ARL15: variants seen among roughly 807,000 people sequenced by gnomAD.
The protein encoded by ARL15 is ADP-ribosylation factor-like protein 15.
Under a neutral mutation model 25.2 loss-of-function variants are expected in ARL15, and 19 were observed. The observed-to-expected ratio is 0.75, with a 90% CI of 0.53 to 1.10. The LOEUF (loss-of-function observed/expected upper bound fraction) is 1.10. Among genes scored for constraint, ARL15 ranks in the 50% least tolerant of loss-of-function variants. ARL15 has a pLI of 0.00. For synonymous variants in ARL15, 94 were observed against 86.8 expected (o/e 1.08, Z -0.46); for missense variants, 220 against 246.0 (o/e 0.89, Z 0.71).
At chr5:53,902,702 C>T (rs531764297) in intron 4 of ARL15, among the ~76,000 whole-genome samples, 26 of 152,298 alleles carry the variant, frequency 1.7e-4, no homozygotes, top group African/African-American at 6.3e-4. Flanking sequence ...TGGCAAGCCA[C>T]GCGTTACTCA....
chr5:54,083,546 T>C (rs1241927475), intron 4 of ARL15, among the ~76,000 whole-genome samples: 10 of 152,194 alleles, frequency 6.6e-5, no homozygotes, highest in African/African-American at 2.4e-4. Context: ...TCAAAAGTTT[T>C]TTCATGAGAA....
At chr5:54,204,134 C>T (rs7705101) in intron 1 of ARL15, among the ~76,000 whole-genome samples, 48,781 of 151,874 alleles carry the variant, frequency 0.32, 8,283 homozygotes, top group African/African-American at 0.39. Context: ...ATTTTCTTTT[C>T]GAGAGAGGAA....
intron 4 of ARL15, among the ~76,000 whole-genome samples, chr5:54,027,945 C>A (rs1477417852): frequency 2.0e-5 from 3 of 151,508 alleles, no homozygotes; most frequent in East Asian, 1.9e-4. Flanking sequence ...GAGACGGAGT[C>A]TTGTTTTGTC....
chr5:54,101,184 C>A lies in ARL15; in HGVS notation c.462+12018G>T, dbSNP rs1386363894. ...TAAAAATAATTGTGGTGAAAGTAAA[C>A]CCACAAATTACAGCCACAACTCTTC... On this transcript the variant is annotated intron_variant, in intron 4 of 4. Transcript: ENST00000504924. Among the ~76,000 whole-genome samples the A allele has an allele frequency of 2.0e-5, 3 of 151,930 alleles. No individual in the cohort carries two copies. The East Asian group carries it at 5.8e-4, about 29-fold the overall frequency.
At chr5:53,956,822 T>C (rs1220759730) in intron 4 of ARL15, among the ~76,000 whole-genome samples, 1 of 151,750 alleles carries the variant, frequency 6.6e-6, no homozygotes, top group East Asian at 1.9e-4. Flanking sequence ...AAAAGCTCAC[T>C]AGAGGGTTTT....
intron 3 of ARL15, among the ~76,000 whole-genome samples, chr5:54,144,949 T>C (rs979982563): frequency 2.6e-5 from 4 of 152,242 alleles, no homozygotes; most frequent in African/African-American, 9.6e-5. Context: ...CTTTGATTAA[T>C]AATCCTGACG....
chr5:54,042,440 TG>T, intron 4 of ARL15, among the ~76,000 whole-genome samples: 1 of 152,306 alleles, frequency 6.6e-6, no homozygotes, highest in South Asian at 2.1e-4. Context: ...AAATGATACA[TG>T]GAAGATCTTT....
At chr5:54,046,658 G>A (rs1750526130) in intron 4 of ARL15, among the ~76,000 whole-genome samples, 1 of 152,234 alleles carries the variant, frequency 6.6e-6, no homozygotes, top group Admixed American at 6.5e-5. Context: ...CTAGGGATTT[G>A]GAGAGGGAGA....
At chr5:54,084,725 T>C (rs273218) in intron 4 of ARL15, among the ~76,000 whole-genome samples, 121,257 of 152,022 alleles carry the variant, frequency 0.8, 48,657 homozygotes, top group African/African-American at 0.82. Context: ...AGTGCTAATG[T>C]TCAGTAATTC....
chr5:54,078,574 T>A (rs1751686294), intron 4 of ARL15, among the ~76,000 whole-genome samples: 1 of 152,228 alleles, frequency 6.6e-6, no homozygotes, highest in South Asian at 2.1e-4. Context: ...TATTCAACCC[T>A]GACTCTATCC....
intron 1 of ARL15, among the ~76,000 whole-genome samples, chr5:54,199,714 A>G (rs1755656697): frequency 6.6e-6 from 1 of 151,004 alleles, no homozygotes. Context: ...AACTAGTTCA[A>G]CCATTGTGGA....
chr5:54,092,070 ACAC>A (rs1554039834), intron 4 of ARL15, among the ~76,000 whole-genome samples: 13 of 151,450 alleles, frequency 8.6e-5, no homozygotes, highest in South Asian at 4.2e-4. Flanking sequence ...ACACACACAC[ACAC>A]CACCACCACC....
intron 1 of ARL15, among the ~76,000 whole-genome samples, chr5:54,268,802 C>A (rs1410454212): frequency 6.6e-6 from 1 of 152,124 alleles, no homozygotes; most frequent in Non-Finnish European, 1.5e-5. Context: ...TTCACAATAG[C>A]AAAGACTTGG....
intron 4 of ARL15, among the ~76,000 whole-genome samples, chr5:53,935,864 T>C (rs547331829): frequency 6.6e-6 from 1 of 152,298 alleles, no homozygotes; most frequent in Admixed American, 6.5e-5. Context: ...TTCTCCTGCC[T>C]CAGCCTGCTG....
chr5:54,113,212 G>C lies in ARL15; in HGVS notation c.452C>G (p.Ser151Ter), dbSNP rs1448699755. 6.2e-7 allele frequency: 1 copy of C among 1,613,586 alleles called. No individual in the cohort carries two copies. Among genetic ancestry groups the C allele is most frequent in the South Asian group, 1.1e-5 (1 of 91,034 alleles). ...ANHQDKPAAR[S>*]VQEIKKYFEL... ...GCTAATGAGACATACCTCTTGTACTGAGCGAGCTGCTGGCTTGTCTTGATG... is the reference window on the plus strand; with the variant it reads ...GCTAATGAGACATACCTCTTGTACTCAGCGAGCTGCTGGCTTGTCTTGATG... Residue 151 changes from serine (S) to a stop codon, truncating the protein, a stop_gained, in exon 4 of 5, where the codon TCA becomes TGA. Transcript: ENST00000504924. LOFTEE classifies it high-confidence loss of function.
intron 4 of ARL15, among the ~76,000 whole-genome samples, chr5:54,052,830 C>T (rs1012758854): frequency 6.6e-6 from 1 of 152,028 alleles, no homozygotes; most frequent in Non-Finnish European, 1.5e-5. Flanking sequence ...ACACAGGGCA[C>T]GCAGATCTTG....
chr5:54,129,206 C>T (rs549126735), intron 3 of ARL15, among the ~76,000 whole-genome samples: 1 of 152,198 alleles, frequency 6.6e-6, no homozygotes, highest in African/African-American at 2.4e-5. Context: ...TGATAGGATG[C>T]CTCAACTATC....
intron 1 of ARL15, among the ~76,000 whole-genome samples, chr5:54,285,934 T>C (rs1758168451): frequency 6.6e-6 from 1 of 152,108 alleles, no homozygotes; most frequent in South Asian, 2.1e-4. Flanking sequence ...TGAGTAAAGG[T>C]CGCGTCTGTC....
intron 1 of ARL15, among the ~76,000 whole-genome samples, chr5:54,209,712 T>C (rs917303331): frequency 1.3e-5 from 2 of 152,100 alleles, no homozygotes. Flanking sequence ...ATCATTCACC[T>C]CAGGTCATTT....
Sources: gnomAD v4.1 joint callset for allele counts (sites outside exome capture counted in the v4.1 genomes callset) on GRCh38, gnomAD v4.1.1 for gene constraint, MANE v1.5 for transcripts, NCBI Gene and HGNC (gene_info 2026-07-23, HGNC 2026-07-21) for gene names.